Variants in THSD7B observed in about 807,000 individuals in gnomAD.
THSD7B encodes thrombospondin type 1 domain containing 7B.
A neutral mutation model predicts 213.6 loss-of-function variants in THSD7B; 138 were observed. That is an observed-to-expected ratio of 0.65 (90% CI 0.56 to 0.74). The LOEUF (loss-of-function observed/expected upper bound fraction) is 0.74, where lower values mean the gene tolerates loss of function less well. Among genes scored for constraint, THSD7B ranks in the 30% least tolerant of loss-of-function variants. The pLI, the probability that THSD7B is intolerant of heterozygous loss-of-function variation, is 0.00. For missense variants in THSD7B, 1,931 were observed against 1,991.5 expected (o/e 0.97, Z 0.58); for synonymous variants, 742 against 687.0 (o/e 1.08, Z -1.25).
At chr2:137,097,256 T>C (rs1688055005) in intron 4 of THSD7B, among the ~76,000 whole-genome samples, 1 of 152,188 alleles carries the variant, frequency 6.6e-6, no homozygotes, top group Admixed American at 6.5e-5. Flanking sequence ...TACAGTTCTC[T>C]TGGAAGTCAG....
In THSD7B at chr2:137,115,155, T is replaced by G; in HGVS notation, c.1231T>G (p.Cys411Gly). ...YSWRTSEWKE[C>G]QVSLLLEQQD... ...CTGGAGAACTTCTGAATGGAAAGAA[T>G]GCCAAGTCTCTCTCCTCCTCGAGCA... The change falls in exon 5 of 28, where the codon TGC becomes GGC. Residue 411 changes from cysteine (C) to glycine (G), a missense_variant. Coordinates refer to ENST00000409968, the MANE Select transcript of THSD7B (RefSeq NM_001316349.2). The G allele has an allele frequency of 6.2e-7, 1 of 1,613,986 alleles. No homozygotes were observed. Among genetic ancestry groups the G allele is most frequent in the Non-Finnish European group, 8.5e-7 (1 of 1,179,886 alleles).
At chr2:137,362,576 G>A (rs1685291805) in intron 12 of THSD7B, among the ~76,000 whole-genome samples, 1 of 152,070 alleles carries the variant, frequency 6.6e-6, no homozygotes, top group Admixed American at 6.6e-5. Flanking sequence ...AAAAGCAGGG[G>A]TTGCAATCCT....
chr2:137,132,805 A>G (rs1017800926), intron 5 of THSD7B, among the ~76,000 whole-genome samples: 33 of 152,196 alleles, frequency 2.2e-4, no homozygotes, highest in Middle Eastern at 3.2e-3. Context: ...CAATTATTAT[A>G]TAGACTTTTC....
chr2:136,841,553 C>T (rs765662176), intron 1 of THSD7B, among the ~76,000 whole-genome samples: 6 of 142,392 alleles, frequency 4.2e-5, no homozygotes, highest in East Asian at 4.1e-4. Flanking sequence ...GCCGAGATTG[C>T]GCCACTGCAC....
intron 12 of THSD7B, among the ~76,000 whole-genome samples, chr2:137,399,395 G>A (rs1389272100): frequency 1.3e-5 from 2 of 152,010 alleles, no homozygotes. Flanking sequence ...GTTTCACCAT[G>A]TTGGCCAAGC....
intron 2 of THSD7B, among the ~76,000 whole-genome samples, chr2:137,025,820 T>C (rs1336470997): frequency 6.6e-6 from 1 of 152,142 alleles, no homozygotes; most frequent in East Asian, 1.9e-4. Flanking sequence ...AGTTCCTGAC[T>C]GGCAGGTTGC....
chr2:137,546,218 T>G (rs1680705319), intron 15 of THSD7B, among the ~76,000 whole-genome samples: 1 of 145,972 alleles, frequency 6.9e-6, no homozygotes, highest in Non-Finnish European at 1.5e-5. Flanking sequence ...AATGCTGATC[T>G]CATAAAATTA....
chr2:137,197,026 A>T (rs1425086873), intron 7 of THSD7B, among the ~76,000 whole-genome samples: 1 of 152,190 alleles, frequency 6.6e-6, no homozygotes, highest in Non-Finnish European at 1.5e-5. Flanking sequence ...TCACACAATC[A>T]TGAGGAAATA....
chr2:137,339,980 C>T (rs1312763088), intron 12 of THSD7B, among the ~76,000 whole-genome samples: 4 of 151,222 alleles, frequency 2.6e-5, no homozygotes, highest in South Asian at 2.1e-4. Context: ...TTGTCTGGTG[C>T]GAAGGTCTAA....
chr2:136,925,351 T>C (rs1367298640), intron 2 of THSD7B, among the ~76,000 whole-genome samples: 1 of 152,208 alleles, frequency 6.6e-6, no homozygotes, highest in Non-Finnish European at 1.5e-5. Flanking sequence ...TTACACTATA[T>C]TCCTAGTTTG....
Position 137,251,378 on chromosome 2 carries a change from T to C in THSD7B, c.2266+8806T>C, listed in dbSNP as rs367752911. On this transcript the variant is annotated intron_variant, in intron 10 of 27. Coordinates refer to ENST00000409968, the MANE Select transcript of THSD7B (RefSeq NM_001316349.2). ...TTGTGTACTTGTTTGTTCATTCATT[T>C]GTCTGTCAGTCTGTCTATTATCTGT... Among the ~76,000 whole-genome samples the C allele has an allele frequency of 4.6e-5, 7 of 151,710 alleles. No individual in the cohort carries two copies. The East Asian group carries it at 7.7e-4, about 17-fold the overall frequency.
chr2:137,210,102 TC>T (rs1158442046), intron 7 of THSD7B, among the ~76,000 whole-genome samples: 5 of 152,214 alleles, frequency 3.3e-5, no homozygotes, highest in African/African-American at 1.2e-4. Context: ...ATCTTGAACT[TC>T]CAGCCCTCAG....
intron 21 of THSD7B, 130 bp from the exon 22 acceptor site, chr2:137,655,371 A>G: frequency 5.3e-6 from 5 of 945,438 alleles, no homozygotes; most frequent in Non-Finnish European, 7.7e-6. Flanking sequence ...AACAATTGAG[A>G]GATAGCTCAC....
At chr2:137,109,647 G>A (rs900138400) in intron 4 of THSD7B, among the ~76,000 whole-genome samples, 1 of 152,040 alleles carries the variant, frequency 6.6e-6, no homozygotes, top group Non-Finnish European at 1.5e-5. Context: ...TTCACAATAG[G>A]GTTTGCACTC....
At chr2:136,850,698 C>T (rs1683085440) in intron 1 of THSD7B, among the ~76,000 whole-genome samples, 1 of 151,682 alleles carries the variant, frequency 6.6e-6, no homozygotes, top group Non-Finnish European at 1.5e-5. Flanking sequence ...AGGATAGTTT[C>T]TACCTATTTT....
intron 13 of THSD7B, among the ~76,000 whole-genome samples, chr2:137,410,810 A>T (rs528705026): frequency 6.6e-6 from 1 of 152,348 alleles, no homozygotes; most frequent in African/African-American, 2.4e-5. Context: ...AGAAAACAAA[A>T]GGTGGAATTA....
chr2:137,567,133 CTA>C (rs1491571814), intron 16 of THSD7B, among the ~76,000 whole-genome samples: 1 of 137,590 alleles, frequency 7.3e-6, no homozygotes, highest in Non-Finnish European at 1.6e-5. Flanking sequence ...GTGACATGCT[CTA>C]TTTTATTTTA....
At chr2:137,160,509 G>C in intron 6 of THSD7B, 141 bp downstream of exon 6, 1 of 1,111,812 alleles carries the variant, frequency 9.0e-7, no homozygotes, top group Non-Finnish European at 1.2e-6. Flanking sequence ...ACGGTATTCA[G>C]TTTTAGGGAG....
intron 7 of THSD7B, among the ~76,000 whole-genome samples, chr2:137,195,462 T>C (rs778801829): frequency 1.2e-4 from 19 of 152,002 alleles, no homozygotes; most frequent in Non-Finnish European, 2.2e-4. Flanking sequence ...AAAAACAAGA[T>C]GAGCTTGGGA....
Sources: allele counts gnomAD v4.1 joint callset (sites outside exome capture counted in the v4.1 genomes callset), GRCh38; gene constraint gnomAD v4.1.1; transcripts MANE v1.5; gene names NCBI Gene and HGNC (gene_info 2026-07-23, HGNC 2026-07-21).